The following XIRP2 variants were observed in gnomAD, a reference collection of about 807,000 sequenced individuals.
The protein encoded by XIRP2 is xin actin binding repeat containing 2, also known as xin actin-binding repeat-containing protein 2.
XIRP2 carries 236 observed loss-of-function variants against 277.0 expected under a neutral mutation model. The observed-to-expected ratio is 0.85, with a 90% CI of 0.77 to 0.95. The LOEUF (loss-of-function observed/expected upper bound fraction) is 0.95, where lower values mean the gene tolerates loss of function less well. Among genes scored for constraint, XIRP2 ranks in the 40% least tolerant of loss-of-function variants. The pLI, the probability that XIRP2 is intolerant of heterozygous loss-of-function variation, is 0.00. For missense variants in XIRP2, 4,640 were observed against 4,157.5 expected (o/e 1.12, Z -3.19); for synonymous variants, 1,490 against 1,416.5 (o/e 1.05, Z -1.17).
chr2:167,126,645 G>T (rs1691215224), intron 2 of XIRP2, among the ~76,000 whole-genome samples: 1 of 152,124 alleles, frequency 6.6e-6, no homozygotes, highest in South Asian at 2.1e-4. Context: ...TAGATCTTCT[G>T]GGAAAACTGC....
chr2:167,136,533 A>G (rs1691557444), intron 3 of XIRP2, among the ~76,000 whole-genome samples: 1 of 152,230 alleles, frequency 6.6e-6, no homozygotes, highest in South Asian at 2.1e-4. Flanking sequence ...ATACAAAGTG[A>G]CATAAGAGTG....
At chr2:167,015,288 T>TA (rs766508247) in intron 2 of XIRP2, among the ~76,000 whole-genome samples, 26 of 151,906 alleles carry the variant, frequency 1.7e-4, no homozygotes, top group Admixed American at 3.9e-4. Context: ...CATAAACCAG[T>TA]AAAAAATGTC....
At chr2:166,954,574 A>G (rs1433670125) in intron 2 of XIRP2, among the ~76,000 whole-genome samples, 1 of 151,920 alleles carries the variant, frequency 6.6e-6, no homozygotes, top group African/African-American at 2.4e-5. Context: ...CTGGGTATAT[A>G]CCCAAAGGAA....
At chr2:167,044,608 G>A (rs1688743327) in intron 2 of XIRP2, among the ~76,000 whole-genome samples, 2 of 152,068 alleles carry the variant, frequency 1.3e-5, no homozygotes, top group South Asian at 4.1e-4. Flanking sequence ...AAAATTAGTA[G>A]CATTTCTGTG....
At chr2:167,121,537 T>A (rs947493257) in intron 2 of XIRP2, among the ~76,000 whole-genome samples, 6 of 152,202 alleles carry the variant, frequency 3.9e-5, no homozygotes, top group African/African-American at 1.4e-4. Context: ...ATTTTTCCAT[T>A]GCCAGTAATG....
intron 2 of XIRP2, among the ~76,000 whole-genome samples, chr2:167,042,505 A>G (rs1291977135): frequency 6.6e-6 from 1 of 152,018 alleles, no homozygotes; most frequent in African/African-American, 2.4e-5. Context: ...ATCTATCAAG[A>G]AAATAGAAAA....
chr2:167,120,545 C>T (rs923753951), intron 2 of XIRP2, among the ~76,000 whole-genome samples: 5 of 152,132 alleles, frequency 3.3e-5, no homozygotes, highest in Non-Finnish European at 7.3e-5. Flanking sequence ...ATCATTACCT[C>T]CTATCTGTGG....
intron 2 of XIRP2, among the ~76,000 whole-genome samples, chr2:167,019,958 T>G (rs1256722432): frequency 2.0e-5 from 3 of 152,076 alleles, no homozygotes. Context: ...ATTTTTATTT[T>G]CTGATTTCCA....
At chr2:166,927,183 A>G (rs1685211458) in intron 2 of XIRP2, among the ~76,000 whole-genome samples, 1 of 152,168 alleles carries the variant, frequency 6.6e-6, no homozygotes, top group Admixed American at 6.6e-5. Flanking sequence ...AGAAATAGAC[A>G]AAGTCAAAAT....
chr2:167,197,007 A>C lies in XIRP2; in HGVS notation c.563-13728A>C, dbSNP rs140598524. Among the ~76,000 whole-genome samples, 132 of 152,292 alleles carry C rather than the reference A, an allele frequency of 8.7e-4. 1 individual carries two copies. Among genetic ancestry groups the C allele is most frequent in the Middle Eastern group, 6.8e-3 (2 of 294 alleles). ...TTCTCATTGCTTTGTGCAGCTATAT[A>C]ATAATGAGAAATTTTGGCAGAAGTT... On this transcript the variant is annotated intron_variant, in intron 3 of 10. Transcript: ENST00000409195.
chr2:166,968,195 A>G (rs940480483), intron 2 of XIRP2, among the ~76,000 whole-genome samples: 17 of 151,938 alleles, frequency 1.1e-4, no homozygotes, highest in Non-Finnish European at 2.2e-4. Context: ...AGGAATTCCA[A>G]AGAGGTTCAG....
intron 3 of XIRP2, among the ~76,000 whole-genome samples, chr2:167,182,258 T>G (rs751990201): frequency 1.3e-5 from 2 of 152,204 alleles, no homozygotes; most frequent in East Asian, 3.9e-4. Flanking sequence ...GCTAGTGTTT[T>G]GTGTATGCTA....
intron 2 of XIRP2, among the ~76,000 whole-genome samples, chr2:166,949,427 G>A (rs1219547501): frequency 6.6e-6 from 1 of 152,104 alleles, no homozygotes; most frequent in African/African-American, 2.4e-5. Flanking sequence ...CAAATAACCA[G>A]TCAAAGTTGA....
At chr2:167,085,112 G>T (rs1307430705) in intron 2 of XIRP2, among the ~76,000 whole-genome samples, 1 of 146,826 alleles carries the variant, frequency 6.8e-6, no homozygotes, top group African/African-American at 2.5e-5. Flanking sequence ...ACACTGCTTT[G>T]AATGTGTCCC....
chr2:167,083,318 C>A (rs1030624134), intron 2 of XIRP2, among the ~76,000 whole-genome samples: 1 of 152,158 alleles, frequency 6.6e-6, no homozygotes, highest in African/African-American at 2.4e-5. Context: ...TGTTTTGGTA[C>A]CAGTACCATG....
At chr2:167,197,097 T>A (rs1406511779) in intron 3 of XIRP2, among the ~76,000 whole-genome samples, 1 of 152,228 alleles carries the variant, frequency 6.6e-6, no homozygotes, top group Admixed American at 6.5e-5. Flanking sequence ...TGCACAGTTC[T>A]AATTTTCACC....
chr2:166,937,345 T>C (rs1685547669), intron 2 of XIRP2, among the ~76,000 whole-genome samples: 1 of 152,212 alleles, frequency 6.6e-6, no homozygotes, highest in Non-Finnish European at 1.5e-5. Flanking sequence ...ATTGAGATAA[T>C]CATGTGGTTT....
At chr2:166,922,476 C>T (rs1407858113) in intron 2 of XIRP2, among the ~76,000 whole-genome samples, 1 of 152,018 alleles carries the variant, frequency 6.6e-6, no homozygotes, top group East Asian at 1.9e-4. Flanking sequence ...GTATTGAGGT[C>T]CTTTATGTAC....
At chr2:167,154,252 G>T (rs990218914) in intron 3 of XIRP2, among the ~76,000 whole-genome samples, 1 of 149,524 alleles carries the variant, frequency 6.7e-6, no homozygotes, top group Non-Finnish European at 1.5e-5. Context: ...TTTTGATGGG[G>T]TTGTTTGTTT....
Sources: allele counts gnomAD v4.1 joint callset (sites outside exome capture counted in the v4.1 genomes callset), GRCh38; gene constraint gnomAD v4.1.1; transcripts MANE v1.5; gene names NCBI Gene and HGNC (gene_info 2026-07-23, HGNC 2026-07-21).